Variants in RNF40 observed in about 807,000 individuals in gnomAD.
The protein encoded by RNF40 is E3 ubiquitin-protein ligase BRE1B.
In RNF40, 39 loss-of-function variants were observed where a neutral mutation model predicts 123.3. That is an observed-to-expected ratio of 0.32 (90% CI 0.24 to 0.41). The LOEUF (loss-of-function observed/expected upper bound fraction) is 0.41, where lower values mean the gene tolerates loss of function less well. RNF40 is among the 10% of genes least tolerant of loss of function. RNF40 has a pLI of 1.00. For missense variants in RNF40, 1,003 were observed against 1,319.9 expected, an observed-to-expected ratio of 0.76 and a Z score of 3.72; for synonymous variants, 538 against 526.0, an observed-to-expected ratio of 1.02 and a Z score of -0.31.
At chr16:30,765,154 A>C in intron 6 of RNF40, 27 bp from the exon 7 acceptor site, 1 of 1,612,672 alleles carries the variant, frequency 6.2e-7, no homozygotes, top group Non-Finnish European at 8.5e-7. Flanking sequence ...TCCCCCATCC[A>C]AGCATCTGCT....
intron 2 of RNF40, 89 bp from the exon 3 acceptor site, chr16:30,763,026 CATT>C (rs1397483666): frequency 1.4e-6 from 2 of 1,383,296 alleles, no homozygotes; most frequent in Non-Finnish European, 2.0e-6. Flanking sequence ...ATCTCCCATG[CATT>C]GCAGATGCTC....
rs373895036 is a variant in RNF40, at chr16:30,773,953, C to A, written c.2845C>A (p.Pro949Thr). 3.7e-6 allele frequency: 6 copies of A among 1,612,652 alleles called. No individual in the cohort carries two copies. The African/African-American group carries it at 6.7e-5, about 18-fold the overall frequency. ...CCTGGCCCAGGCGCGGTTGACCTGCCCCTGCTGTAACACCCGCAAGAAGGA... is the reference window on the plus strand; with the variant it reads ...CCTGGCCCAGGCGCGGTTGACCTGCACCTGCTGTAACACCCGCAAGAAGGA... ...IKEYKARLTC[P>T]CCNTRKKDAV... The change falls in exon 20 of 20, where the codon CCC (proline) becomes ACC (threonine). Residue 949 changes from proline (P) to threonine (T), a missense_variant. By Grantham distance (38) the Pro-to-Thr change is conservative (BLOSUM62 -1). This residue lies in a region of RNF40 where 76 missense variants were observed against 134.1 expected (regional missense o/e 0.57). Transcript: ENST00000324685.
Position 30,775,182 on chromosome 16 carries a change from G to A in RNF40, c.*1068G>A, listed in dbSNP as rs992711989. 2.8e-6 allele frequency: 1 copy of A among 355,998 alleles called. No individual in the cohort carries two copies. Among genetic ancestry groups the A allele is most frequent in the Non-Finnish European group, 5.6e-6 (1 of 179,892 alleles). 22.1% of individuals were successfully genotyped at this position (355,998 alleles called of 1,614,324 possible). A position where few individuals can be genotyped will look rare whatever the true frequency, so the allele number is the denominator to read the frequency against. On this transcript the variant is annotated 3_prime_UTR_variant, in exon 20 of 20. Transcript: ENST00000324685. ...TGTGATGAATAAACGTTCAACCCTCGGCCTGCAGCCAGAGTAGCCAGGCCG... is the reference window on the plus strand; with the variant it reads ...TGTGATGAATAAACGTTCAACCCTCAGCCTGCAGCCAGAGTAGCCAGGCCG...
At chr16:30,764,786 CTG>C (rs2151327220) in intron 5 of RNF40, 150 bp from the exon 6 acceptor site, 1 of 1,113,652 alleles carries the variant, frequency 9.0e-7, no homozygotes, top group Non-Finnish European at 1.3e-6. Context: ...GTTTCCTTCT[CTG>C]TGCAGTGGGG....
At chr16:30,772,689 A>T (rs2054168626) in intron 19 of RNF40, among the ~76,000 whole-genome samples, 1 of 152,208 alleles carries the variant, frequency 6.6e-6, no homozygotes, top group Non-Finnish European at 1.5e-5. Context: ...ACAGCACCGG[A>T]GGTTGTAATC....
chr16:30,775,593 C>G lies in RNF40; in HGVS notation c.*1479C>G, dbSNP rs952870437. On this transcript the variant is annotated 3_prime_UTR_variant, in exon 20 of 20. Transcript: ENST00000324685. The stretch of plus-strand genomic sequence containing the variant: ...CCCCACACCACTCGAATGCACAGAT[C>G]GGGACACCTCAGCTGGGTGACTTCC... The G allele has an allele frequency of 6.4e-6, 1 of 155,110 alleles. No individual in the cohort carries two copies. 9.6% of individuals were successfully genotyped at this position (155,110 alleles called of 1,614,324 possible).
At chr16:30,763,692 T>A in intron 4 of RNF40, 133 bp downstream of exon 4, 2 of 941,310 alleles carry the variant, frequency 2.1e-6, no homozygotes, top group African/African-American at 1.7e-5. Flanking sequence ...GTTTGGGCAG[T>A]AAAGTGCAGT....
intron 2 of RNF40, 41 bp downstream of exon 2, chr16:30,762,718 C>A: frequency 6.2e-7 from 1 of 1,600,328 alleles, no homozygotes; most frequent in Non-Finnish European, 8.5e-7. Flanking sequence ...CTTCCCAGAG[C>A]CCTCCCTCTG....
chr16:30,771,008 C>T (rs2151333691), intron 17 of RNF40, among the ~76,000 whole-genome samples: 1 of 152,272 alleles, frequency 6.6e-6, no homozygotes, highest in Non-Finnish European at 1.5e-5. Flanking sequence ...CTGTGCTTGG[C>T]CCATTTAAGC....
At position 30,764,316 on chromosome 16, in the gene RNF40, C is replaced by T. The variant is rs370831334; in HGVS notation, c.580C>T (p.Arg194Cys). Residue 194 changes from arginine to cysteine, a missense_variant, in exon 5 of 20, where the codon CGT (arginine) becomes TGT (cysteine). Around this residue, in one of 11 missense-constraint regions of RNF40, gnomAD observed 274 missense variants for 356.9 expected, o/e 0.77. Coordinates refer to ENST00000324685, the MANE Select transcript of RNF40 (RefSeq NM_014771.4). ...RMEFSKAAVS[R>C]VVEASDRLQR... Reference sequence around the variant, plus strand: ...GGAGTTCTCCAAGGCAGCTGTGTCTCGTGTGGTAGAGGCCTCAGACCGCCT... The same window carrying T: ...GGAGTTCTCCAAGGCAGCTGTGTCTTGTGTGGTAGAGGCCTCAGACCGCCT... The T allele has an allele frequency of 6.4e-5, 104 of 1,613,800 alleles. No homozygotes were observed. The highest frequency in any genetic ancestry group is 8.6e-5 in the Non-Finnish European group (101 of 1,179,974).
intron 17 of RNF40, among the ~76,000 whole-genome samples, chr16:30,769,892 G>GT (rs2054116435): frequency 6.6e-6 from 1 of 152,076 alleles, no homozygotes; most frequent in Admixed American, 6.5e-5. Context: ...GAGGCCAGGA[G>GT]TTGGAGACCA....
chr16:30,771,628 AAACAAAG>A (rs1033212046), intron 17 of RNF40, among the ~76,000 whole-genome samples, 198 bp from the exon 18 acceptor site: 9 of 131,556 alleles, frequency 6.8e-5, no homozygotes, highest in Admixed American at 2.9e-4. Flanking sequence ...AAAAAACAAA[AAACAAAG>A]AAACCCCAAA....
chr16:30,763,653 C>G, intron 4 of RNF40, 94 bp downstream of exon 4: 1 of 1,284,880 alleles, frequency 7.8e-7, no homozygotes, highest in East Asian at 2.5e-5. Flanking sequence ...AATTGCCTAT[C>G]TTACTACTTC....
Position 30,774,233 on chromosome 16 carries a change from GC to G in RNF40, c.*122del. Reference sequence around the variant, plus strand: ...TCCGGACCCCATGGGCCCAGCCCCTGCCCATCTAGTTGGTTTGGGGACCCTG... The same window carrying G: ...TCCGGACCCCATGGGCCCAGCCCCTGCCATCTAGTTGGTTTGGGGACCCTG... On this transcript the variant is annotated 3_prime_UTR_variant, in exon 20 of 20. Transcript: ENST00000324685. 1 of 1,108,932 alleles carries G rather than the reference GC, an allele frequency of 9.0e-7. No homozygotes were observed. The highest frequency in any genetic ancestry group is 1.3e-6 in the Non-Finnish European group (1 of 790,512). The allele number at this position is 1,108,932 out of a possible 1,614,324, so 68.7% of individuals were successfully genotyped here.
At position 30,774,315 on chromosome 16, in the gene RNF40, T is replaced by A; in HGVS notation, c.*201T>A. 1.7e-6 allele frequency: 1 copy of A among 581,572 alleles called. No homozygotes were observed. Among genetic ancestry groups the A allele is most frequent in the Non-Finnish European group, 3.0e-6 (1 of 335,310 alleles). 36.0% of individuals were successfully genotyped at this position (581,572 alleles called of 1,614,324 possible). The stretch of plus-strand genomic sequence containing the variant: ...GCTTCGTTCCATCTTTTCCTAAAGG[T>A]CAGAGCTGCAGCCTAGGGGGCACTG... On this transcript the variant is annotated 3_prime_UTR_variant, in exon 20 of 20. Transcript: ENST00000324685.
chr16:30,773,676 G>C, intron 19 of RNF40: 1 of 370,488 alleles, frequency 2.7e-6, no homozygotes, highest in South Asian at 8.6e-5. Context: ...TGGGCCTGTG[G>C]GTCCTTGTCC....
intron 2 of RNF40, 95 bp downstream of exon 2, chr16:30,762,772 G>A (rs1318648665): frequency 6.7e-7 from 1 of 1,484,238 alleles, no homozygotes; most frequent in African/African-American, 1.4e-5. Context: ...ACTTCCCCAA[G>A]TTTAGCAAGG....
In RNF40 at chr16:30,765,038, A is replaced by T. The variant is rs1468970819; in HGVS notation, c.750A>T (p.Lys250Asn). 1.2e-6 allele frequency: 2 copies of T among 1,613,984 alleles called. No homozygotes were observed. The highest frequency in any genetic ancestry group is 1.7e-6 in the Non-Finnish European group (2 of 1,179,976). Residue 250 changes from lysine to asparagine, a missense_variant, in exon 6 of 20, where the codon AAA (lysine) becomes AAT (asparagine). Physicochemically the swap from Lys to Asn is moderately conservative, Grantham distance 94. This residue lies in a region of RNF40 where 274 missense variants were observed against 356.9 expected (regional missense o/e 0.77). Coordinates refer to ENST00000324685, the MANE Select transcript of RNF40 (RefSeq NM_014771.4). ...ACTTGGCCACTCAGCTGCAGGAGAA[A>T]CACCACCGCATCTCATTGGAGGTGA... Reference protein sequence around the residue: ...LQDLATQLQEKHHRISLEYSE... With the variant: ...LQDLATQLQENHHRISLEYSE...
At chr16:30,767,360 A>G (rs1057734) in intron 11 of RNF40, among the ~76,000 whole-genome samples, 1 of 152,254 alleles carries the variant, frequency 6.6e-6, no homozygotes, top group Non-Finnish European at 1.5e-5. Flanking sequence ...GATAGGAAGT[A>G]TCAGGAGAAA....
Sources: allele counts gnomAD v4.1 joint callset (sites outside exome capture counted in the v4.1 genomes callset), GRCh38; gene constraint gnomAD v4.1.1; regional missense constraint gnomAD v4.1.1; transcripts MANE v1.5; gene names NCBI Gene and HGNC (gene_info 2026-07-23, HGNC 2026-07-21).